GABRA4: variants seen among roughly 807,000 people sequenced by gnomAD.
GABRA4 encodes gamma-aminobutyric acid receptor subunit alpha-4.
GABRA4 carries 12 observed loss-of-function variants against 49.7 expected under a neutral mutation model. That is an observed-to-expected ratio of 0.24 (90% CI 0.15 to 0.39). The LOEUF (loss-of-function observed/expected upper bound fraction) is 0.39. Among genes scored for constraint, GABRA4 ranks in the 10% least tolerant of loss-of-function variants. The pLI, the probability that GABRA4 is intolerant of heterozygous loss-of-function variation, is 1.00. For synonymous variants in GABRA4, 288 were observed against 240.2 expected (o/e 1.20, Z -1.84); for missense variants, 506 against 686.0 (o/e 0.74, Z 2.93).
intron 8 of GABRA4, among the ~76,000 whole-genome samples, chr4:46,953,517 C>T (rs937577102): frequency 2.0e-5 from 3 of 152,066 alleles, no homozygotes; most frequent in Non-Finnish European, 4.4e-5. Flanking sequence ...GTAATATATT[C>T]TAAAGTTTTC....
intron 8 of GABRA4, among the ~76,000 whole-genome samples, chr4:46,957,690 C>G (rs537260917): frequency 1.2e-4 from 18 of 151,972 alleles, no homozygotes; most frequent in Non-Finnish European, 7.4e-5. Flanking sequence ...ATCTCAGCCT[C>G]CATTTCCCTC....
intron 2 of GABRA4, among the ~76,000 whole-genome samples, chr4:46,989,385 G>A (rs896131011): frequency 6.6e-6 from 1 of 152,166 alleles, no homozygotes; most frequent in Non-Finnish European, 1.5e-5. Flanking sequence ...AGCTACTTCA[G>A]GATGATAGCA....
chr4:46,944,075 G>A (rs935226018), intron 8 of GABRA4, among the ~76,000 whole-genome samples: 1 of 151,874 alleles, frequency 6.6e-6, no homozygotes, highest in Non-Finnish European at 1.5e-5. Flanking sequence ...TCGGGACTAC[G>A]GTTAATCATA....
intron 8 of GABRA4, among the ~76,000 whole-genome samples, chr4:46,937,743 C>CTTAT (rs1721649643): frequency 6.6e-6 from 1 of 152,150 alleles, no homozygotes; most frequent in East Asian, 1.9e-4. Context: ...TAAGATTCCT[C>CTTAT]CAGGTAACTC....
intron 8 of GABRA4, among the ~76,000 whole-genome samples, chr4:46,935,851 G>T (rs1721586888): frequency 6.6e-6 from 1 of 152,088 alleles, no homozygotes; most frequent in Non-Finnish European, 1.5e-5. Flanking sequence ...ATATTCTATG[G>T]TGAAGTCAGT....
At chr4:46,951,684 G>A (rs960382217) in intron 8 of GABRA4, among the ~76,000 whole-genome samples, 20 of 151,094 alleles carry the variant, frequency 1.3e-4, no homozygotes, top group African/African-American at 3.2e-4. Flanking sequence ...TAGCTCTTCC[G>A]TTTTCCTAAT....
chr4:46,964,367 T>C (rs1722679547), intron 8 of GABRA4, among the ~76,000 whole-genome samples: 2 of 151,836 alleles, frequency 1.3e-5, no homozygotes, highest in Admixed American at 6.6e-5. Flanking sequence ...AGAGCAACTA[T>C]AGCCAATAAT....
Position 46,923,497 on chromosome 4 carries a change from T to C in GABRA4, c.*4728A>G, listed in dbSNP as rs560076726. 1 of 152,278 alleles carries C rather than the reference T, an allele frequency of 6.6e-6. No homozygotes were observed. The highest frequency in any genetic ancestry group is 6.5e-5 in the Admixed American group (1 of 15,284). 9.4% of individuals were successfully genotyped at this position (152,278 alleles called of 1,614,324 possible). A position where few individuals can be genotyped will look rare whatever the true frequency, so the allele number is the denominator to read the frequency against. The stretch of plus-strand genomic sequence containing the variant: ...TTCTGATTTCTGGGTGGTAGAATTT[T>C]GAGATTGTTTTTAAGTTTCTACAAT... On this transcript the variant is annotated 3_prime_UTR_variant, in exon 9 of 9. Transcript: ENST00000264318.
chr4:46,938,223 T>C (rs1420188940), intron 8 of GABRA4, among the ~76,000 whole-genome samples: 2 of 152,262 alleles, frequency 1.3e-5, no homozygotes, highest in East Asian at 3.9e-4. Flanking sequence ...TCAGCTTCAA[T>C]ATATTCAAAA....
At chr4:46,984,134 C>T (rs192756532) in intron 2 of GABRA4, among the ~76,000 whole-genome samples, 3 of 152,128 alleles carry the variant, frequency 2.0e-5, no homozygotes, top group Admixed American at 2.0e-4. Context: ...GTCTAATTTG[C>T]TGCCACATCA....
intron 2 of GABRA4, among the ~76,000 whole-genome samples, chr4:46,982,132 T>G (rs1723377327): frequency 6.6e-6 from 1 of 152,124 alleles, no homozygotes; most frequent in Non-Finnish European, 1.5e-5. Context: ...GTGACTGTAG[T>G]TAAAACTACA....
At chr4:46,944,646 C>T (rs1442797946) in intron 8 of GABRA4, among the ~76,000 whole-genome samples, 1 of 151,972 alleles carries the variant, frequency 6.6e-6, no homozygotes, top group African/African-American at 2.4e-5. Flanking sequence ...TTCTCACTGT[C>T]TTCTCTCCTT....
Position 46,921,453 on chromosome 4 carries a change from C to A in GABRA4, c.*6772G>T, listed in dbSNP as rs1427979073. The stretch of plus-strand genomic sequence containing the variant: ...CCCCTATAGAAACTAAAGAAGCTTG[C>A]AGAAATACTACCAAGGAAAATGTAA... On this transcript the variant is annotated 3_prime_UTR_variant, in exon 9 of 9. Coordinates refer to ENST00000264318, the MANE Select transcript of GABRA4 (RefSeq NM_000809.4). 1 of 151,944 alleles carries A rather than the reference C, an allele frequency of 6.6e-6. No homozygotes were observed. Among genetic ancestry groups the A allele is most frequent in the Non-Finnish European group, 1.5e-5 (1 of 67,928 alleles). 9.4% of individuals were successfully genotyped at this position (151,944 alleles called of 1,614,324 possible). A position where few individuals can be genotyped will look rare whatever the true frequency, so the allele number is the denominator to read the frequency against.
At position 46,922,934 on chromosome 4, in the gene GABRA4, G is replaced by A. The variant is rs1280051475; in HGVS notation, c.*5291C>T. On this transcript the variant is annotated 3_prime_UTR_variant, in exon 9 of 9. Coordinates refer to ENST00000264318, the MANE Select transcript of GABRA4 (RefSeq NM_000809.4). ...TTGGGCAGCACAACAGGAGGTGAGT[G>A]GCACCCATTGAGCATTATCGCCTGA... 1.3e-5 allele frequency: 2 copies of A among 152,140 alleles called. No individual in the cohort carries two copies. Among genetic ancestry groups the A allele is most frequent in the Non-Finnish European group, 2.9e-5 (2 of 68,076 alleles). 9.4% of individuals were successfully genotyped at this position (152,140 alleles called of 1,614,324 possible).
intron 8 of GABRA4, among the ~76,000 whole-genome samples, chr4:46,951,398 C>T (rs1722168645): frequency 6.6e-6 from 1 of 151,706 alleles, no homozygotes. Context: ...TGCCAGGCCA[C>T]TAAATATTGG....
chr4:46,981,581 C>T (rs991011401), intron 2 of GABRA4, among the ~76,000 whole-genome samples: 12 of 151,994 alleles, frequency 7.9e-5, no homozygotes, highest in South Asian at 2.1e-4. Context: ...GAATGAGTGC[C>T]AGTTGTGTGT....
intron 4 of GABRA4, 71 bp downstream of exon 4, chr4:46,977,339 A>C: frequency 1.1e-6 from 1 of 898,506 alleles, no homozygotes; most frequent in Non-Finnish European, 1.7e-6. Context: ...GAAGGAAGGA[A>C]GGAAGGAAGA....
rs1475131710 is a variant in GABRA4 at position 46,928,688 on chromosome 4, C to A, written c.1202G>T (p.Gly401Val). 1.2e-6 allele frequency: 2 copies of A among 1,612,952 alleles called. No homozygotes were observed. Among genetic ancestry groups the A allele is most frequent in the Non-Finnish European group, 1.7e-6 (2 of 1,179,246 alleles). ...ATGGTTTCCCACCTCAGTTCTGTTGCCAACATCAGATTCAGAGTGAACCAA... is the reference window on the plus strand; with the variant it reads ...ATGGTTTCCCACCTCAGTTCTGTTGACAACATCAGATTCAGAGTGAACCAA... ...NALVHSESDVGNRTEVGNHSS... is the reference protein window; with the variant it reads ...NALVHSESDVVNRTEVGNHSS... Residue 401 changes from glycine (G) to valine (V), a missense_variant, in exon 9 of 9, where the codon GGC becomes GTC. Gly to Val is a moderately radical substitution (Grantham distance 109). Transcript: ENST00000264318.
intron 8 of GABRA4, 120 bp from the exon 9 acceptor site, chr4:46,928,875 G>A: frequency 1.5e-6 from 1 of 647,344 alleles, no homozygotes; most frequent in East Asian, 2.8e-5. Context: ...TTATTAATAA[G>A]CTGTAGTCAT....
Sources: gnomAD v4.1 joint callset for allele counts (sites outside exome capture counted in the v4.1 genomes callset) on GRCh38, gnomAD v4.1.1 for gene constraint, MANE v1.5 for transcripts, NCBI Gene and HGNC (gene_info 2026-07-23, HGNC 2026-07-21) for gene names.